STXBP6: variants seen among roughly 807,000 people sequenced by gnomAD.
The protein encoded by STXBP6 is syntaxin binding protein 6.
Under a neutral mutation model 26.9 loss-of-function variants are expected in STXBP6, and 21 were observed. The observed-to-expected ratio is 0.78, with a 90% CI of 0.55 to 1.12. The LOEUF (loss-of-function observed/expected upper bound fraction) is 1.12, where lower values mean the gene tolerates loss of function less well. Ranked by LOEUF, STXBP6 falls within the 50% of genes most tolerant of loss-of-function variation. STXBP6 has a pLI of 0.00. For synonymous variants in STXBP6, 97 were observed against 92.6 expected (o/e 1.05, Z -0.27); for missense variants, 232 against 257.9 (o/e 0.90, Z 0.69).
At chr14:24,983,162 A>G (rs55856138) in intron 1 of STXBP6, among the ~76,000 whole-genome samples, 2,720 of 152,324 alleles carry the variant, frequency 0.018, 57 homozygotes, top group African/African-American at 0.052. Flanking sequence ...GAGATTATCA[A>G]TCTAAAACAT....
At chr14:24,956,410 C>G (rs1217384505) in intron 2 of STXBP6, among the ~76,000 whole-genome samples, 1 of 152,044 alleles carries the variant, frequency 6.6e-6, no homozygotes, top group African/African-American at 2.4e-5. Flanking sequence ...GAATAAAATC[C>G]AAAATGAATG....
intron 2 of STXBP6, among the ~76,000 whole-genome samples, chr14:24,927,736 A>G (rs1007472253): frequency 6.6e-6 from 1 of 152,220 alleles, no homozygotes; most frequent in Non-Finnish European, 1.5e-5. Flanking sequence ...AGAAATGTCA[A>G]CGATATATGT....
At chr14:24,855,085 ATG>A (rs1301088269) in intron 4 of STXBP6, among the ~76,000 whole-genome samples, 2 of 152,074 alleles carry the variant, frequency 1.3e-5, no homozygotes, top group Non-Finnish European at 2.9e-5. Context: ...AAATGACAGT[ATG>A]TGTGTCAGTT....
At chr14:24,902,276 T>C (rs2139646342) in intron 2 of STXBP6, among the ~76,000 whole-genome samples, 1 of 152,272 alleles carries the variant, frequency 6.6e-6, no homozygotes, top group South Asian at 2.1e-4. Flanking sequence ...GGTATATTTA[T>C]GTTAGAACTC....
intron 2 of STXBP6, among the ~76,000 whole-genome samples, chr14:24,897,367 G>T (rs1170356055): frequency 7.7e-6 from 1 of 129,514 alleles, no homozygotes; most frequent in African/African-American, 3.1e-5. Context: ...CCAAGATCGC[G>T]CCACTGCACT....
intron 2 of STXBP6, chr14:24,878,851 A>G (rs1341037644): frequency 2.3e-6 from 1 of 443,698 alleles, no homozygotes; most frequent in Non-Finnish European, 4.5e-6. Context: ...GCAAATTAAC[A>G]GGGAGCTATT....
At position 25,023,161 on chromosome 14, in the gene STXBP6, C is replaced by T. The variant is rs758731992; in HGVS notation, c.-33+26717G>A. On this transcript the variant is annotated intron_variant, in intron 1 of 5. Coordinates refer to ENST00000323944, the MANE Select transcript of STXBP6 (RefSeq NM_001394410.1). ...GGATCATTAAGATATGCTCTTCTAA[C>T]GTCTTTAATTATTAACTATGGTTTG... Among the ~76,000 whole-genome samples the T allele has an allele frequency of 1.3e-4, 20 of 152,218 alleles. No homozygotes were observed. The East Asian group carries it at 2.3e-3, about 18-fold the overall frequency.
intron 1 of STXBP6, among the ~76,000 whole-genome samples, chr14:25,031,167 C>T (rs986921041): frequency 6.6e-6 from 1 of 152,200 alleles, no homozygotes; most frequent in Non-Finnish European, 1.5e-5. Flanking sequence ...TGGTTCTCCC[C>T]TTGTACTGAA....
intron 1 of STXBP6, among the ~76,000 whole-genome samples, chr14:25,023,984 A>T (rs1396493499): frequency 3.3e-5 from 5 of 152,144 alleles, no homozygotes; most frequent in Admixed American, 6.5e-5. Flanking sequence ...GGAGGAAAAA[A>T]CACCACAAAA....
intron 1 of STXBP6, among the ~76,000 whole-genome samples, chr14:25,008,747 C>T (rs967783313): frequency 6.6e-6 from 1 of 151,962 alleles, no homozygotes. Flanking sequence ...GAATGTGTAA[C>T]AAAAAAGACA....
chr14:24,836,086 A>G (rs1482904501), intron 4 of STXBP6, among the ~76,000 whole-genome samples: 2 of 152,232 alleles, frequency 1.3e-5, no homozygotes, highest in Non-Finnish European at 2.9e-5. Context: ...TGGCAACACT[A>G]GTTAATGAGC....
At chr14:24,883,956 T>C (rs1239187818) in intron 2 of STXBP6, among the ~76,000 whole-genome samples, 1 of 152,206 alleles carries the variant, frequency 6.6e-6, no homozygotes, top group African/African-American at 2.4e-5. Flanking sequence ...GGTTTAAACA[T>C]AGGGGACAAC....
chr14:24,962,396 C>T (rs1402341068), intron 2 of STXBP6, among the ~76,000 whole-genome samples: 1 of 151,742 alleles, frequency 6.6e-6, no homozygotes, highest in African/African-American at 2.4e-5. Context: ...GTGGCACAAT[C>T]TGTGCTCACG....
chr14:25,026,900 G>GTGA (rs1324510685), intron 1 of STXBP6, among the ~76,000 whole-genome samples: 1 of 152,170 alleles, frequency 6.6e-6, no homozygotes, highest in Non-Finnish European at 1.5e-5. Flanking sequence ...AATCTAGCAT[G>GTGA]GAACCACCAG....
At chr14:24,996,752 G>A (rs1028852405) in intron 1 of STXBP6, among the ~76,000 whole-genome samples, 2 of 151,082 alleles carry the variant, frequency 1.3e-5, no homozygotes, top group African/African-American at 4.9e-5. Flanking sequence ...CTACTTGGAA[G>A]GCTGAGGCAG....
At chr14:24,973,262 C>G (rs923082622) in intron 2 of STXBP6, among the ~76,000 whole-genome samples, 1 of 151,902 alleles carries the variant, frequency 6.6e-6, no homozygotes, top group African/African-American at 2.4e-5. Flanking sequence ...TAAAGAAATA[C>G]AAATATCTTC....
chr14:25,026,408 C>T (rs2075350528), intron 1 of STXBP6, among the ~76,000 whole-genome samples: 1 of 152,120 alleles, frequency 6.6e-6, no homozygotes, highest in Non-Finnish European at 1.5e-5. Context: ...GCATTCTTGA[C>T]TTTTTAGAAA....
rs370654689 is a variant in STXBP6, at chr14:25,026,006, G to A, written c.-33+23872C>T. On this transcript the variant is annotated intron_variant, in intron 1 of 5. Coordinates refer to ENST00000323944, the MANE Select transcript of STXBP6 (RefSeq NM_001394410.1). ...CTGCTCCCTGATCACATTGTCTTCC[G>A]TGTATCTTTGCCTTTACATTGACTT... is the stretch of plus-strand genomic sequence containing the variant. Among the ~76,000 whole-genome samples, 7 of 152,210 alleles carry A rather than the reference G, an allele frequency of 4.6e-5. No homozygotes were observed. In the South Asian group the frequency reaches 8.3e-4, roughly 18 times the overall value.
rs1389165970 is a variant in STXBP6 at position 24,910,938 on chromosome 14, C to G, written c.155-53781G>C. On this transcript the variant is annotated intron_variant, in intron 2 of 5. Transcript: ENST00000323944. ...TGGAACGGTGGTGGTATGGTTTTAGCTGTTATCTGTAACATTAAAAGAGAG... is the reference window on the plus strand; with the variant it reads ...TGGAACGGTGGTGGTATGGTTTTAGGTGTTATCTGTAACATTAAAAGAGAG... Among the ~76,000 whole-genome samples the G allele has an allele frequency of 2.6e-5, 4 of 152,096 alleles. No homozygotes were observed. In the East Asian group the frequency reaches 7.7e-4, roughly 29 times the overall value.
Sources: gnomAD v4.1 joint callset for allele counts (sites outside exome capture counted in the v4.1 genomes callset) on GRCh38, gnomAD v4.1.1 for gene constraint, MANE v1.5 for transcripts, NCBI Gene and HGNC (gene_info 2026-07-23, HGNC 2026-07-21) for gene names.